The following PSMD9 variants were observed in gnomAD, a reference collection of about 807,000 sequenced individuals.
PSMD9 encodes proteasome 26S subunit, non-ATPase 9.
A neutral mutation model predicts 25.9 loss-of-function variants in PSMD9; 26 were observed. That is an observed-to-expected ratio of 1.00 (90% confidence interval 0.73 to 1.39). PSMD9 has a LOEUF of 1.39. Ranked by LOEUF, PSMD9 falls within the 40% of genes most tolerant of loss-of-function variation. The pLI, the probability that PSMD9 is intolerant of heterozygous loss-of-function variation, is 0.00. For synonymous variants in PSMD9, 110 were observed against 114.5 expected (o/e 0.96, Z 0.25); for missense variants, 303 against 299.3 (o/e 1.01, Z -0.09).
chr12:121,902,202 C>T (rs1317610395), intron 3 of PSMD9: 2 of 152,192 alleles, frequency 1.3e-5, no homozygotes, highest in African/African-American at 4.8e-5. Context: ...ATTTCATCCT[C>T]GAGGAAAAGC....
chr12:121,900,074 C>T (rs1256972099), intron 3 of PSMD9, among the ~76,000 whole-genome samples: 1 of 152,218 alleles, frequency 6.6e-6, no homozygotes, highest in Admixed American at 6.5e-5. Flanking sequence ...GGGGAGTGAC[C>T]TCTTCCCAGT....
At chr12:121,889,829 A>G (rs2137672101) in intron 1 of PSMD9, among the ~76,000 whole-genome samples, 1 of 152,290 alleles carries the variant, frequency 6.6e-6, no homozygotes, top group African/African-American at 2.4e-5. Context: ...ATCTAGTGTA[A>G]AATCACAGAT....
chr12:121,902,791 A>G (rs576240906), intron 3 of PSMD9: 28 of 498,892 alleles, frequency 5.6e-5, no homozygotes, highest in African/African-American at 5.4e-4. Context: ...CATCTTTACT[A>G]GAGCTGCCCT....
At position 121,888,902 on chromosome 12, in the gene PSMD9, G is replaced by T; in HGVS notation, c.46G>T (p.Gly16Cys). 6.2e-7 allele frequency: 1 copy of T among 1,600,544 alleles called. No individual in the cohort carries two copies. Among genetic ancestry groups the T allele is most frequent in the Admixed American group, 1.7e-5 (1 of 57,576 alleles). ...ARQSGGSSQA[G>C]VVTVSDVQEL... is the part of the protein sequence containing the mutation. The stretch of plus-strand genomic sequence containing the variant: ...GCAGAGCGGAGGCTCCTCGCAGGCC[G>T]GCGTCGTGACTGTCAGCGACGTCCA... The change falls in exon 1 of 6, where the codon GGC (glycine) becomes TGC (cysteine). Residue 16 changes from glycine to cysteine, a missense_variant. Coordinates refer to ENST00000541212, the MANE Select transcript of PSMD9 (RefSeq NM_002813.7).
intron 2 of PSMD9, chr12:121,899,391 T>C (rs1442803607): frequency 4.0e-6 from 2 of 499,488 alleles, no homozygotes; most frequent in East Asian, 3.3e-5. Flanking sequence ...GGGCAGACTT[T>C]GCTGCTGGCC....
intron 4 of PSMD9, among the ~76,000 whole-genome samples, chr12:121,906,486 A>G (rs1409773350): frequency 6.6e-6 from 1 of 151,732 alleles, no homozygotes; most frequent in Non-Finnish European, 1.5e-5. Context: ...CCTGGCCAAC[A>G]TGGTGAAACC....
chr12:121,894,736 C>T lies in PSMD9; in HGVS notation c.139-3C>T, dbSNP rs1879181050. ...ACCTTTTAACCACGTTTCTTTCCTC[C>T]AGCAAAAAGGCATTGGGATGAACGA... On this transcript the variant is annotated splice_polypyrimidine_tract_variant and splice_region_variant and intron_variant, in intron 1 of 5. Coordinates refer to ENST00000541212, the MANE Select transcript of PSMD9 (RefSeq NM_002813.7). 1 of 1,613,684 alleles carries T rather than the reference C, an allele frequency of 6.2e-7. No individual in the cohort carries two copies. Among genetic ancestry groups the T allele is most frequent in the African/African-American group, 1.3e-5 (1 of 74,886 alleles).
rs770794074 is a variant in PSMD9 at position 121,915,894 on chromosome 12, A to G, written c.594A>G (p.Lys198=). Residue 198 remains lysine (K), a synonymous_variant, in exon 5 of 6, where the codon AAA becomes AAG. Transcript: ENST00000541212. ...TGACAGTGATCCGCAGGGGGGAAAAACACCAGCTTAGACTTGTTCCAACAC... is the reference window on the plus strand; with the variant it reads ...TGACAGTGATCCGCAGGGGGGAAAAGCACCAGCTTAGACTTGTTCCAACAC... ...LNVTVIRRGE[K]HQLRLVPTRW... is the part of the protein sequence containing the mutation. 9 of 1,613,764 alleles carry G rather than the reference A, an allele frequency of 5.6e-6. No individual in the cohort carries two copies. Among genetic ancestry groups the G allele is most frequent in the African/African-American group, 1.3e-5 (1 of 74,886 alleles).
intron 4 of PSMD9, among the ~76,000 whole-genome samples, chr12:121,906,559 C>CT (rs978543016): frequency 6.6e-6 from 1 of 151,298 alleles, no homozygotes; most frequent in African/African-American, 2.4e-5. Context: ...AATCCCAGCA[C>CT]TTTAAGAGGC....
At chr12:121,903,188 G>A in intron 4 of PSMD9, 81 bp downstream of exon 4, 1 of 1,273,650 alleles carries the variant, frequency 7.9e-7, no homozygotes, top group East Asian at 2.4e-5. Context: ...ACAAACAACA[G>A]AAGTTCATTT....
intron 4 of PSMD9, among the ~76,000 whole-genome samples, chr12:121,907,842 C>T (rs1178412670): frequency 2.0e-5 from 3 of 152,106 alleles, no homozygotes; most frequent in Non-Finnish European, 4.4e-5. Flanking sequence ...GAGTTTGAGA[C>T]CAGCCTGGGC....
intron 4 of PSMD9, chr12:121,914,268 G>T (rs1235455164): frequency 6.6e-6 from 1 of 152,058 alleles, no homozygotes; most frequent in Non-Finnish European, 1.5e-5. Context: ...ACTATATACA[G>T]GCTGGGTGTG....
intron 2 of PSMD9, among the ~76,000 whole-genome samples, chr12:121,896,197 C>T (rs1245559556): frequency 1.3e-5 from 2 of 152,008 alleles, no homozygotes; most frequent in Admixed American, 6.6e-5. Context: ...CGGCCGGGTG[C>T]GGTGGCTCAT....
At position 121,888,969 on chromosome 12, in the gene PSMD9, A is replaced by C; in HGVS notation, c.113A>C (p.Lys38Thr). ...AAGGAGGAGATAGAAGCGCAGATCA[A>C]GGCCAACTATGACGTGCTGGAAAGC... ...RRKEEIEAQI[K>T]ANYDVLESQK... Residue 38 changes from lysine (K) to threonine (T), a missense_variant, in exon 1 of 6, where the codon AAG becomes ACG. Coordinates refer to ENST00000541212, the MANE Select transcript of PSMD9 (RefSeq NM_002813.7). The C allele has an allele frequency of 6.3e-7, 1 of 1,590,336 alleles. No homozygotes were observed. The highest frequency in any genetic ancestry group is 2.3e-5 in the East Asian group (1 of 44,162).
At chr12:121,891,901 C>CAA (rs33982940) in intron 1 of PSMD9, among the ~76,000 whole-genome samples, 340 of 73,998 alleles carry the variant, frequency 4.6e-3, no homozygotes, top group Middle Eastern at 0.01. Context: ...GATTCCATCT[C>CAA]AAAAAAAAAA....
rs548196222 is a variant in PSMD9 at position 121,894,266 on chromosome 12, C to T, written c.139-473C>T. ...TGTCACCTAGCCACCCAGTTCTTCT[C>T]CCCGGAGGCAGCTGGTGCTATCAGT... On this transcript the variant is annotated intron_variant, in intron 1 of 5. Transcript: ENST00000541212. 4.3e-5 allele frequency: 7 copies of T among 161,946 alleles called. No homozygotes were observed. In the East Asian group the frequency reaches 9.1e-4, roughly 21 times the overall value. 10.0% of individuals were successfully genotyped at this position (161,946 alleles called of 1,614,324 possible).
chr12:121,891,613 A>G (rs1376901219), intron 1 of PSMD9, among the ~76,000 whole-genome samples: 1 of 151,226 alleles, frequency 6.6e-6, no homozygotes, highest in Non-Finnish European at 1.5e-5. Context: ...AAAAAAGAAA[A>G]AAAAAAAAAA....
intron 4 of PSMD9, among the ~76,000 whole-genome samples, chr12:121,907,218 C>A (rs142627309): frequency 0.042 from 6,321 of 151,382 alleles, 423 homozygotes; most frequent in African/African-American, 0.14. Flanking sequence ...TACAGGCACC[C>A]GCCACCACGC....
At chr12:121,900,448 T>C (rs1269789941) in intron 3 of PSMD9, among the ~76,000 whole-genome samples, 8 of 151,834 alleles carry the variant, frequency 5.3e-5, no homozygotes, top group African/African-American at 1.9e-4. Flanking sequence ...CCCAGCATGT[T>C]GGGAGGCCGA....
Sources: gnomAD v4.1 joint callset for allele counts (sites outside exome capture counted in the v4.1 genomes callset) on GRCh38, gnomAD v4.1.1 for gene constraint, MANE v1.5 for transcripts, NCBI Gene and HGNC (gene_info 2026-07-23, HGNC 2026-07-21) for gene names.